Variants in EEA1 observed in about 807,000 individuals in gnomAD.
The protein encoded by EEA1 is early endosome antigen 1.
A neutral mutation model predicts 209.2 loss-of-function variants in EEA1; 111 were observed. The ratio of observed to expected loss-of-function variants is 0.53; its 90% CI spans 0.45 to 0.62. The LOEUF (loss-of-function observed/expected upper bound fraction) is 0.62, where lower values mean the gene tolerates loss of function less well. Among genes scored for constraint, EEA1 ranks in the 20% least tolerant of loss-of-function variants. EEA1 has a pLI of 0.00. For missense variants in EEA1, 1,343 were observed against 1,530.8 expected, an observed-to-expected ratio of 0.88 and a Z score of 2.05; for synonymous variants, 536 against 540.6, an observed-to-expected ratio of 0.99 and a Z score of 0.12.
Position 92,891,690 on chromosome 12 carries a change from T to G in EEA1, c.56A>C (p.Asp19Ala). The G allele has an allele frequency of 1.2e-6, 2 of 1,611,006 alleles. No homozygotes were observed. The highest frequency in any genetic ancestry group is 1.7e-6 in the Non-Finnish European group (2 of 1,179,244). ...TATAGGAGTTGCTGATGAATCTAAA[T>G]CAGAACCTTGAGAGCCAACTCTCCC... is the stretch of plus-strand genomic sequence containing the variant. ...TPGRVGSQGS[D>A]LDSSATPINT... Residue 19 changes from aspartate to alanine, a missense_variant, in exon 2 of 29, where the codon GAT becomes GCT. By Grantham distance (126) the Asp-to-Ala change is moderately radical (BLOSUM62 -2). Coordinates refer to ENST00000322349, the MANE Select transcript of EEA1 (RefSeq NM_003566.4).
Position 92,782,029 on chromosome 12 carries a change from G to A in EEA1, c.3257C>T (p.Thr1086Ile). 1.2e-6 allele frequency: 2 copies of A among 1,613,180 alleles called. No individual in the cohort carries two copies. The highest frequency in any genetic ancestry group is 2.2e-5 in the East Asian group (1 of 44,830). Residue 1086 changes from threonine to isoleucine, a missense_variant, in exon 23 of 29, where the codon ACA becomes ATA. By Grantham distance (89) the Thr-to-Ile change is moderately conservative (BLOSUM62 -1). Around this residue, in one of 3 missense-constraint regions of EEA1, gnomAD observed 1,307 missense variants for 1,465.5 expected, o/e 0.89. Transcript: ENST00000322349. ...LIQELKTAKA[T>I]LEQDSAKKEQ... The stretch of plus-strand genomic sequence containing the variant: ...TTTCTTTGCTGAATCCTGCTCCAAT[G>A]TAGCCTTGGCAGTCTTCAGTTCTTG...
At chr12:92,828,841 C>T (rs1461965631) in intron 11 of EEA1, among the ~76,000 whole-genome samples, 1 of 151,986 alleles carries the variant, frequency 6.6e-6, no homozygotes, top group African/African-American at 2.4e-5. Context: ...CGAACTGCCA[C>T]CTGTCAAAAC....
chr12:92,790,242 C>A (rs923005104), intron 21 of EEA1, among the ~76,000 whole-genome samples: 2 of 152,212 alleles, frequency 1.3e-5, no homozygotes, highest in African/African-American at 4.8e-5. Flanking sequence ...AAGATCACAG[C>A]TCCTCGCCAG....
intron 2 of EEA1, among the ~76,000 whole-genome samples, chr12:92,868,774 T>A (rs376515034): frequency 6.6e-6 from 1 of 152,208 alleles, no homozygotes; most frequent in African/African-American, 2.4e-5. Context: ...AAAATACATA[T>A]AATTCCGCAC....
At chr12:92,802,775 T>G (rs1030869438) in intron 18 of EEA1, 41 bp from the exon 19 acceptor site, 1 of 1,398,630 alleles carries the variant, frequency 7.1e-7, no homozygotes, top group Non-Finnish European at 9.5e-7. Flanking sequence ...AACACATAAT[T>G]TACCACTTCT....
rs113673473 is a variant in EEA1, at chr12:92,813,384, A to G, written c.1930-291T>C. Among the ~76,000 whole-genome samples the G allele has an allele frequency of 7.5e-3, 1,141 of 152,238 alleles. 11 individuals carry two copies. Among genetic ancestry groups the G allele is most frequent in the African/African-American group, 0.026 (1,081 of 41,540 alleles). ...AAAAGGTACACTTTTTTTCCAAAAA[A>G]GGCCACTGTATTTTCAGAAGTGAGT... is the stretch of plus-strand genomic sequence containing the variant. On this transcript the variant is annotated intron_variant, in intron 15 of 28. Transcript: ENST00000322349.
At position 92,832,752 on chromosome 12, in the gene EEA1, G is replaced by C; in HGVS notation, c.1014C>G (p.Thr338=). 6.2e-7 allele frequency: 1 copy of C among 1,613,734 alleles called. No homozygotes were observed. The highest frequency in any genetic ancestry group is 8.5e-7 in the Non-Finnish European group (1 of 1,179,894). Residue 338 remains threonine (T), a synonymous_variant, in exon 11 of 29, where the codon ACC becomes ACG. Transcript: ENST00000322349. ...GACAATCTAGGTCTTTTTGATGAAG[G>C]GTTGCCTGAATATTCTTTTTACTCA... The part of the protein sequence containing the change: ...ESVSKKNIQA[T]LHQKDLDCQQ...
chr12:92,920,905 A>G (rs1282501472), intron 1 of EEA1, among the ~76,000 whole-genome samples: 1 of 151,448 alleles, frequency 6.6e-6, no homozygotes, highest in Non-Finnish European at 1.5e-5. Context: ...TTTACAAGAA[A>G]AAAACAAACA....
At chr12:92,891,608 G>A (rs765649653) in intron 2 of EEA1, 21 bp downstream of exon 2, 8 of 1,526,672 alleles carry the variant, frequency 5.2e-6, no homozygotes, top group South Asian at 1.2e-5. Context: ...GAATTTTATT[G>A]CCAAGTTATT....
chr12:92,922,311 C>T (rs748574462), intron 1 of EEA1, among the ~76,000 whole-genome samples: 17 of 152,184 alleles, frequency 1.1e-4, no homozygotes, highest in Non-Finnish European at 1.6e-4. Context: ...AAACTACTCA[C>T]AAGTCAACAA....
At chr12:92,850,066 C>A (rs1565834358) in intron 9 of EEA1, among the ~76,000 whole-genome samples, 1 of 152,034 alleles carries the variant, frequency 6.6e-6, no homozygotes, top group Non-Finnish European at 1.5e-5. Context: ...AAAGTCATGT[C>A]ATGTAAGAAA....
At chr12:92,812,759 C>A (rs563872858) in intron 16 of EEA1, among the ~76,000 whole-genome samples, 1 of 152,186 alleles carries the variant, frequency 6.6e-6, no homozygotes, top group Non-Finnish European at 1.5e-5. Flanking sequence ...CCAACCACAC[C>A]TGCACACTAG....
Position 92,802,594 on chromosome 12 carries a change from T to C in EEA1, c.2480A>G (p.His827Arg), listed in dbSNP as rs1874976072. Residue 827 changes from histidine (H) to arginine (R), a missense_variant, in exon 19 of 29, where the codon CAT (histidine) becomes CGT (arginine). His to Arg is a conservative substitution (Grantham distance 29, BLOSUM62 0). This residue lies in a region of EEA1 where 1,307 missense variants were observed against 1,465.5 expected (regional missense o/e 0.89). Transcript: ENST00000322349. ...TTGAATTCTGTTATTCAATTCCTCA[T>C]GCTGAATCTTTGTTTCTTGACTTAA... The part of the protein sequence containing the change: ...ETLSQETKIQ[H>R]EELNNRIQTT... The C allele has an allele frequency of 6.2e-7, 1 of 1,602,266 alleles. No individual in the cohort carries two copies. The highest frequency in any genetic ancestry group is 1.8e-5 in the Admixed American group (1 of 56,754).
intron 2 of EEA1, among the ~76,000 whole-genome samples, chr12:92,878,523 A>T (rs1350985890): frequency 6.6e-6 from 1 of 152,214 alleles, no homozygotes; most frequent in African/African-American, 2.4e-5. Flanking sequence ...TTTAGCTTAA[A>T]CAATAAATTT....
At chr12:92,836,982 G>A (rs1168297171) in intron 10 of EEA1, among the ~76,000 whole-genome samples, 2 of 151,916 alleles carry the variant, frequency 1.3e-5, no homozygotes, top group Admixed American at 6.6e-5. Flanking sequence ...TTAGCCAGGC[G>A]TGGTGGTGCG....
chr12:92,877,006 C>T (rs1878926502), intron 2 of EEA1, among the ~76,000 whole-genome samples: 1 of 149,918 alleles, frequency 6.7e-6, no homozygotes. Context: ...TGCAGTGGCA[C>T]GAACTCAGCT....
chr12:92,854,011 A>T, intron 5 of EEA1, 57 bp from the exon 6 acceptor site: 1 of 1,182,398 alleles, frequency 8.5e-7, no homozygotes, highest in Non-Finnish European at 1.2e-6. Flanking sequence ...TAATACTGTT[A>T]AAATGGTCAA....
At chr12:92,816,656 T>C (rs958199629) in intron 14 of EEA1, among the ~76,000 whole-genome samples, 6 of 152,306 alleles carry the variant, frequency 3.9e-5, no homozygotes, top group African/African-American at 1.4e-4. Flanking sequence ...CAATTTAAGT[T>C]GTACAATTTG....
chr12:92,779,135 T>G lies in EEA1; in HGVS notation c.3634A>C (p.Ile1212Leu). Reference protein sequence around the residue: ...KEEEELKKEFIEKEAKLHSEI... With the variant: ...KEEEELKKEFLEKEAKLHSEI... ...CTGACCAACTTAGCTTCTTTCTCAA[T>G]AAATTCTTTCTTCAGCTCCTCTTCT... The change falls in exon 25 of 29, where the codon ATT (isoleucine) becomes CTT (leucine). Residue 1212 changes from isoleucine (I) to leucine (L), a missense_variant. Physicochemically the swap from Ile to Leu is conservative, Grantham distance 5 (BLOSUM62 2). Around this residue, in one of 3 missense-constraint regions of EEA1, gnomAD observed 1,307 missense variants for 1,465.5 expected, o/e 0.89. Transcript: ENST00000322349. 6.2e-7 allele frequency: 1 copy of G among 1,601,932 alleles called. No individual in the cohort carries two copies. The highest frequency in any genetic ancestry group is 8.5e-7 in the Non-Finnish European group (1 of 1,177,218).
Sources: allele counts gnomAD v4.1 joint callset (sites outside exome capture counted in the v4.1 genomes callset), GRCh38; gene constraint gnomAD v4.1.1; regional missense constraint gnomAD v4.1.1; transcripts MANE v1.5; gene names NCBI Gene and HGNC (gene_info 2026-07-23, HGNC 2026-07-21).